The following MAGI2 variants were observed in gnomAD, a reference collection of about 807,000 sequenced individuals.
MAGI2 encodes the protein membrane-associated guanylate kinase, WW and PDZ domain-containing protein 2.
MAGI2 carries 35 observed loss-of-function variants against 133.3 expected under a neutral mutation model. The ratio of observed to expected loss-of-function variants is 0.26; its 90% CI spans 0.20 to 0.35. MAGI2 has a LOEUF of 0.35. Among genes scored for constraint, MAGI2 ranks in the 10% least tolerant of loss-of-function variants. The probability of loss-of-function intolerance (pLI) is 1.00; values close to 1 mark genes in which losing one functional copy is unlikely to be tolerated. For synonymous variants in MAGI2, 729 were observed against 710.6 expected (o/e 1.03, Z -0.41); for missense variants, 1,636 against 1,863.4 (o/e 0.88, Z 2.25).
chr7:79,304,406 T>C (rs1007772964), intron 1 of MAGI2, among the ~76,000 whole-genome samples: 1 of 127,444 alleles, frequency 7.8e-6, no homozygotes, highest in Non-Finnish European at 1.8e-5. Flanking sequence ...TATATTACAG[T>C]TTTTTCTTCC....
At chr7:78,787,182 A>G (rs1268637579) in intron 2 of MAGI2, among the ~76,000 whole-genome samples, 1 of 151,926 alleles carries the variant, frequency 6.6e-6, no homozygotes, top group Non-Finnish European at 1.5e-5. Flanking sequence ...TCCTGACCTC[A>G]TGATCTGCCC....
chr7:79,110,154 A>G (rs768222662), intron 1 of MAGI2, among the ~76,000 whole-genome samples: 19 of 151,948 alleles, frequency 1.3e-4, no homozygotes, highest in Non-Finnish European at 1.9e-4. Flanking sequence ...CAGAGGATGC[A>G]TGGAAAAGCC....
chr7:79,296,893 A>G (rs895101743), intron 1 of MAGI2, among the ~76,000 whole-genome samples: 25 of 152,222 alleles, frequency 1.6e-4, no homozygotes, highest in Admixed American at 6.5e-4. Context: ...GAATGATATC[A>G]CTACAAAGAA....
chr7:78,284,881 C>A (rs570314269), intron 9 of MAGI2, among the ~76,000 whole-genome samples: 2 of 152,006 alleles, frequency 1.3e-5, no homozygotes, highest in South Asian at 4.1e-4. Context: ...GGCAAAATCA[C>A]GTTTTGAATT....
intron 3 of MAGI2, among the ~76,000 whole-genome samples, chr7:78,602,684 A>G (rs1584801495): frequency 6.6e-6 from 1 of 152,348 alleles, no homozygotes; most frequent in East Asian, 1.9e-4. Flanking sequence ...GATTGGCCAC[A>G]TTCGCAAAGA....
In MAGI2 at chr7:78,809,196, T is replaced by C. The variant is rs537614587; in HGVS notation, c.419-181957A>G. On this transcript the variant is annotated intron_variant, in intron 2 of 21. Coordinates refer to ENST00000354212, the MANE Select transcript of MAGI2 (RefSeq NM_012301.4). ...TGACTCCAGTTAGTCGTGAACTCTTTAGGATGATACAGTTCATACAAACTA... is the reference window on the plus strand; with the variant it reads ...TGACTCCAGTTAGTCGTGAACTCTTCAGGATGATACAGTTCATACAAACTA... 4.6e-5 allele frequency among the ~76,000 whole-genome samples: 7 copies of C among 152,300 alleles called. No homozygotes were observed. In the East Asian group the frequency reaches 9.7e-4, roughly 21 times the overall value.
Position 78,806,001 on chromosome 7 carries a change from G to GA in MAGI2, c.419-178763dup, listed in dbSNP as rs573797210. ...CCTGAATTTCTGAACTAAATTGTCA[G>GA]AAAAAAAAGGTTTATTTTTGTTGTA... On this transcript the variant is annotated intron_variant, in intron 2 of 21. Coordinates refer to ENST00000354212, the MANE Select transcript of MAGI2 (RefSeq NM_012301.4). 1.1e-3 allele frequency among the ~76,000 whole-genome samples: 162 copies of GA among 151,562 alleles called. 1 individual carries two copies. The South Asian group carries it at 0.02, about 19-fold the overall frequency.
At chr7:79,163,071 G>C (rs532479241) in intron 1 of MAGI2, among the ~76,000 whole-genome samples, 1 of 152,050 alleles carries the variant, frequency 6.6e-6, no homozygotes, top group Admixed American at 6.6e-5. Flanking sequence ...GACTTCTCCT[G>C]TGACAAAACC....
At chr7:79,179,917 C>A (rs1216040332) in intron 1 of MAGI2, among the ~76,000 whole-genome samples, 1 of 151,948 alleles carries the variant, frequency 6.6e-6, no homozygotes, top group Non-Finnish European at 1.5e-5. Context: ...GAAAAATAGA[C>A]AAACGGGACT....
chr7:78,346,496 C>A (rs1349618980), intron 7 of MAGI2, among the ~76,000 whole-genome samples: 2 of 152,170 alleles, frequency 1.3e-5, no homozygotes, highest in African/African-American at 4.8e-5. Flanking sequence ...CCAGAGTCTG[C>A]ACTTTTTAGA....
chr7:79,367,858 C>CACACACACACACATATGTGACACAT, intron 1 of MAGI2, among the ~76,000 whole-genome samples: 1 of 87,114 alleles, frequency 1.1e-5, no homozygotes, highest in African/African-American at 4.6e-5. Flanking sequence ...ATATATGTGA[C>CACACACACACACATATGTGACACAT]ATATATATAT....
chr7:79,153,341 T>C (rs1823451933), intron 1 of MAGI2, among the ~76,000 whole-genome samples: 1 of 152,164 alleles, frequency 6.6e-6, no homozygotes. Context: ...AGCAGACCTA[T>C]AGCCTGCCCT....
At chr7:78,172,405 A>G (rs2189796) in intron 14 of MAGI2, among the ~76,000 whole-genome samples, 128,184 of 152,232 alleles carry the variant, frequency 0.84, 54,136 homozygotes, top group East Asian at 0.91. Flanking sequence ...TAGGTCTGTC[A>G]TCGTCTGTCT....
chr7:78,902,828 A>G (rs978700407), intron 2 of MAGI2, among the ~76,000 whole-genome samples: 2 of 152,144 alleles, frequency 1.3e-5, no homozygotes, highest in African/African-American at 4.8e-5. Flanking sequence ...AACAAACCCT[A>G]GGAAGTATGA....
chr7:78,627,925 TC>T (rs942916618), intron 2 of MAGI2, among the ~76,000 whole-genome samples: 3 of 152,178 alleles, frequency 2.0e-5, no homozygotes, highest in African/African-American at 7.2e-5. Context: ...TATGCGGCCT[TC>T]CTTCTTTCAT....
chr7:78,298,710 C>T (rs1366020968), intron 9 of MAGI2, among the ~76,000 whole-genome samples: 5 of 151,788 alleles, frequency 3.3e-5, no homozygotes, highest in African/African-American at 4.8e-5. Flanking sequence ...TGCCATGTTG[C>T]CCAGGCTGGG....
intron 1 of MAGI2, among the ~76,000 whole-genome samples, chr7:79,023,132 T>C (rs534815533): frequency 1.7e-3 from 260 of 152,244 alleles, no homozygotes; most frequent in African/African-American, 5.8e-3. Flanking sequence ...AAAAAGTGTA[T>C]CCACCATGAT....
At chr7:78,681,903 C>T (rs1815708656) in intron 2 of MAGI2, among the ~76,000 whole-genome samples, 1 of 152,080 alleles carries the variant, frequency 6.6e-6, no homozygotes. Context: ...TATATGACAA[C>T]CTAATTACAC....
At chr7:78,719,575 TC>T (rs1301552489) in intron 2 of MAGI2, among the ~76,000 whole-genome samples, 1 of 152,232 alleles carries the variant, frequency 6.6e-6, no homozygotes, top group Admixed American at 6.5e-5. Context: ...TTATGCAGGA[TC>T]TTGCACGAAG....
Sources: gnomAD v4.1 joint callset for allele counts (sites outside exome capture counted in the v4.1 genomes callset) on GRCh38, gnomAD v4.1.1 for gene constraint, MANE v1.5 for transcripts, NCBI Gene and HGNC (gene_info 2026-07-23, HGNC 2026-07-21) for gene names.